Variants in MAGI3 observed in about 807,000 individuals in gnomAD.
MAGI3 encodes membrane associated guanylate kinase, WW and PDZ domain containing 3.
Under a neutral mutation model 121.8 loss-of-function variants are expected in MAGI3, and 43 were observed. The observed-to-expected ratio is 0.35, with a 90% CI of 0.28 to 0.46. The LOEUF (loss-of-function observed/expected upper bound fraction) is 0.46. MAGI3 is among the 20% of genes least tolerant of loss of function. The pLI is 1.00. For missense variants in MAGI3, 1,547 were observed against 1,797.3 expected (o/e 0.86, Z 2.52); for synonymous variants, 553 against 639.3 (o/e 0.86, Z 2.04).
rs1384445937 is a variant in MAGI3 at position 113,683,252 on chromosome 1, C to A, written c.3684C>A (p.Ala1228=). The change falls in exon 21 of 21, where the codon GCC becomes GCA. Residue 1228 remains alanine (A), a synonymous_variant. Coordinates refer to ENST00000307546, the MANE Select transcript of MAGI3 (RefSeq NM_001142782.2). ...GATCGGTTAGTCCCAAAAAGCCAGCCAGTCAACATTCAGAGGAACATTTGG... is the reference window on the plus strand; with the variant it reads ...GATCGGTTAGTCCCAAAAAGCCAGCAAGTCAACATTCAGAGGAACATTTGG... ...RGRSVSPKKP[A]SQHSEEHLDK... is the part of the protein sequence containing the mutation. The A allele has an allele frequency of 8.1e-6, 13 of 1,613,152 alleles. No homozygotes were observed. Among genetic ancestry groups the A allele is most frequent in the Non-Finnish European group, 1.1e-5 (13 of 1,179,716 alleles).
intron 2 of MAGI3, among the ~76,000 whole-genome samples, chr1:113,569,891 T>C (rs1477292816): frequency 5.3e-5 from 8 of 152,214 alleles, no homozygotes; most frequent in Non-Finnish European, 8.8e-5. Flanking sequence ...TTTTTTATTA[T>C]ACTTTAAGTT....
At chr1:113,441,302 A>G (rs887136784) in intron 1 of MAGI3, among the ~76,000 whole-genome samples, 19 of 152,158 alleles carry the variant, frequency 1.2e-4, no homozygotes, top group African/African-American at 4.6e-4. Context: ...CACAATTATT[A>G]GATCTCCTTC....
intron 1 of MAGI3, among the ~76,000 whole-genome samples, chr1:113,495,065 CTCTT>C (rs888050329): frequency 1.3e-5 from 2 of 152,108 alleles, no homozygotes; most frequent in African/African-American, 4.8e-5. Flanking sequence ...TAGGAATTAA[CTCTT>C]TCAAAGCACC....
At chr1:113,481,967 T>C (rs1369873661) in intron 1 of MAGI3, among the ~76,000 whole-genome samples, 1 of 152,068 alleles carries the variant, frequency 6.6e-6, no homozygotes, top group Non-Finnish European at 1.5e-5. Context: ...CTCTTTTTTT[T>C]TTCATCTCTT....
chr1:113,533,318 A>G (rs1382933735), intron 1 of MAGI3, among the ~76,000 whole-genome samples: 1 of 152,262 alleles, frequency 6.6e-6, no homozygotes, highest in African/African-American at 2.4e-5. Context: ...ATTACATTAA[A>G]TCAATTAACA....
intron 1 of MAGI3, among the ~76,000 whole-genome samples, chr1:113,439,590 C>T (rs1177743649): frequency 6.6e-6 from 1 of 152,104 alleles, no homozygotes; most frequent in Admixed American, 6.5e-5. Context: ...ACTTTGAGCT[C>T]CGTGAGAACA....
chr1:113,447,157 T>C (rs190884932), intron 1 of MAGI3, among the ~76,000 whole-genome samples: 39 of 152,348 alleles, frequency 2.6e-4, no homozygotes, highest in African/African-American at 9.1e-4. Flanking sequence ...CTTTATGTTA[T>C]GTGTATTTTA....
At position 113,401,159 on chromosome 1, in the gene MAGI3, C is replaced by T. The variant is rs1651377420; in HGVS notation, c.316+9810C>T. 2.0e-5 allele frequency among the ~76,000 whole-genome samples: 3 copies of T among 152,110 alleles called. No individual in the cohort carries two copies. In the South Asian group the frequency reaches 6.2e-4, roughly 32 times the overall value. ...AGAGAGATTAACACGTGAAAGTTCA[C>T]ACAGACTCACAGGAAGAATTATGAA... On this transcript the variant is annotated intron_variant, in intron 1 of 20. Coordinates refer to ENST00000307546, the MANE Select transcript of MAGI3 (RefSeq NM_001142782.2).
chr1:113,414,011 G>T (rs910566976), intron 1 of MAGI3, among the ~76,000 whole-genome samples: 1 of 152,056 alleles, frequency 6.6e-6, no homozygotes, highest in Non-Finnish European at 1.5e-5. Flanking sequence ...ATTGGCTGTG[G>T]GTTTGTCATA....
intron 3 of MAGI3, among the ~76,000 whole-genome samples, chr1:113,581,854 A>G (rs996416890): frequency 1.3e-5 from 2 of 152,136 alleles, no homozygotes; most frequent in Non-Finnish European, 2.9e-5. Flanking sequence ...ACCATTTATT[A>G]AGTACCTACT....
chr1:113,612,132 CG>C, intron 6 of MAGI3, among the ~76,000 whole-genome samples: 1 of 152,010 alleles, frequency 6.6e-6, no homozygotes, highest in South Asian at 2.1e-4. Flanking sequence ...TTAGTAGAGA[CG>C]GGGTTTCACA....
intron 10 of MAGI3, 56 bp from the exon 11 acceptor site, chr1:113,643,687 T>G (rs141923092): frequency 7.9e-5 from 121 of 1,536,482 alleles, no homozygotes; most frequent in Middle Eastern, 5.1e-4. Flanking sequence ...TTAGCAGTAT[T>G]TGTGATCTGG....
At chr1:113,531,248 G>A (rs1009794749) in intron 1 of MAGI3, among the ~76,000 whole-genome samples, 1 of 152,102 alleles carries the variant, frequency 6.6e-6, no homozygotes, top group African/African-American at 2.4e-5. Flanking sequence ...AAACTTAACA[G>A]TCACTGGAAC....
At chr1:113,561,145 G>T (rs573489903) in intron 2 of MAGI3, among the ~76,000 whole-genome samples, 28 of 152,226 alleles carry the variant, frequency 1.8e-4, no homozygotes, top group African/African-American at 6.3e-4. Context: ...ACCAAAAAAA[G>T]CCCAGGACCA....
Position 113,684,533 on chromosome 1 carries a change from GTCTCT to G in MAGI3, c.*523_*527del, listed in dbSNP as rs1648431122. On this transcript the variant is annotated 3_prime_UTR_variant, in exon 21 of 21. Transcript: ENST00000307546. ...TAACTCATCGTTAAAGATGGCCGTTGTCTCTTCTAACAGCTACTGATGATGTCCCA... is the reference window on the plus strand; with the variant it reads ...TAACTCATCGTTAAAGATGGCCGTTGTCTAACAGCTACTGATGATGTCCCA... The G allele has an allele frequency of 1.3e-5, 2 of 152,250 alleles. 1 individual carries two copies. The highest frequency in any genetic ancestry group is 1.3e-4 in the Admixed American group (2 of 15,270). 9.4% of individuals were successfully genotyped at this position (152,250 alleles called of 1,614,324 possible). A position where few individuals can be genotyped will look rare whatever the true frequency, so the allele number is the denominator to read the frequency against.
intron 5 of MAGI3, among the ~76,000 whole-genome samples, chr1:113,592,511 G>GTGT (rs954146249): frequency 6.6e-6 from 1 of 151,958 alleles, no homozygotes; most frequent in African/African-American, 2.4e-5. Context: ...AGGTATTTTC[G>GTGT]TGTTGTTGTT....
Position 113,582,595 on chromosome 1 carries a change from GA to G in MAGI3, c.553+1938del, listed in dbSNP as rs543522933. Among the ~76,000 whole-genome samples, 772 of 152,100 alleles carry G rather than the reference GA, an allele frequency of 5.1e-3. 4 individuals are homozygous for G. Among genetic ancestry groups the G allele is most frequent in the African/African-American group, 0.018 (745 of 41,534 alleles). ...TATGAAAAAATATGTGAAATATTGT[GA>G]AAATACTCTGTGAAGCTTTTATGAA... On this transcript the variant is annotated intron_variant, in intron 3 of 20. Coordinates refer to ENST00000307546, the MANE Select transcript of MAGI3 (RefSeq NM_001142782.2).
chr1:113,561,635 T>A (rs1398586116), intron 2 of MAGI3, among the ~76,000 whole-genome samples: 1 of 152,228 alleles, frequency 6.6e-6, no homozygotes, highest in African/African-American at 2.4e-5. Flanking sequence ...GAGCCATTTA[T>A]GACAGACCCA....
intron 2 of MAGI3, among the ~76,000 whole-genome samples, chr1:113,578,878 C>A (rs558729324): frequency 6.6e-6 from 1 of 151,828 alleles, no homozygotes; most frequent in Non-Finnish European, 1.5e-5. Flanking sequence ...GGAGAAAATT[C>A]AATATAGTCT....
Sources: allele counts gnomAD v4.1 joint callset (sites outside exome capture counted in the v4.1 genomes callset), GRCh38; gene constraint gnomAD v4.1.1; transcripts MANE v1.5; gene names NCBI Gene and HGNC (gene_info 2026-07-23, HGNC 2026-07-21).